Variants in POU2F2 observed in about 807,000 individuals in gnomAD.
POU2F2 encodes POU domain, class 2, transcription factor 2.
POU2F2 carries 14 observed loss-of-function variants against 63.5 expected under a neutral mutation model. The ratio of observed to expected loss-of-function variants is 0.22; its 90% confidence interval spans 0.15 to 0.34. The LOEUF is 0.34. Among genes scored for constraint, POU2F2 ranks in the 10% least tolerant of loss-of-function variants. The probability of loss-of-function intolerance (pLI) is 1.00; values close to 1 mark genes in which losing one functional copy is unlikely to be tolerated. For synonymous variants in POU2F2, 306 were observed against 348.6 expected (o/e 0.88, Z 1.36); for missense variants, 607 against 815.2 (o/e 0.74, Z 3.11).
chr19:42,178,657 G>C (rs1209568643), upstream of POU2F2, among the ~76,000 whole-genome samples: 1 of 152,144 alleles, frequency 6.6e-6, no homozygotes, highest in Non-Finnish European at 1.5e-5. Context: ...CTGAGACAGA[G>C]AAAAAGGCAC....
intron 5 of POU2F2, among the ~76,000 whole-genome samples, chr19:42,106,164 C>T (rs926557225): frequency 2.0e-4 from 31 of 151,640 alleles, no homozygotes; most frequent in Non-Finnish European, 3.8e-4. Flanking sequence ...TACAGTGGCT[C>T]AGTCTTGCTT....
Position 42,095,300 on chromosome 19 carries a change from A to G in POU2F2, c.1183T>C (p.Tyr395His). 1 of 1,613,346 alleles carries G rather than the reference A, an allele frequency of 6.2e-7. No individual in the cohort carries two copies. The highest frequency in any genetic ancestry group is 8.5e-7 in the Non-Finnish European group (1 of 1,179,894). The change falls in exon 11 of 15, where the codon TAC (tyrosine) becomes CAC (histidine). Residue 395 changes from tyrosine (Y) to histidine (H), a missense_variant. Physicochemically the swap from Tyr to His is moderately conservative, Grantham distance 83. Around this residue, in one of 7 missense-constraint regions of POU2F2, gnomAD observed 270 missense variants for 307.5 expected, o/e 0.88. Coordinates refer to ENST00000692977, the MANE Select transcript of POU2F2 (RefSeq NM_001394376.1). This position sits in a 1 kb window ranked among gnomAD's most constrained non-coding sequence, Gnocchi z 7.1. Reference protein sequence around the residue: ...MLPSPGKPASYSPHMVTPQGG... With the variant: ...MLPSPGKPASHSPHMVTPQGG... The stretch of plus-strand genomic sequence containing the variant: ...GCTCTTGGTACCATATGGGGGCTGT[A>G]GCTGGCCGGCTTCCCTGGGCTGGGC...
At chr19:42,097,922 C>A (rs1468153007) in intron 7 of POU2F2, among the ~76,000 whole-genome samples, 1 of 152,158 alleles carries the variant, frequency 6.6e-6, no homozygotes, top group Non-Finnish European at 1.5e-5. Context: ...GTACATTGTA[C>A]CCATTAAGTA....
At chr19:42,097,891 T>C (rs2076982058) in intron 7 of POU2F2, among the ~76,000 whole-genome samples, 1 of 152,232 alleles carries the variant, frequency 6.6e-6, no homozygotes. Context: ...AGGCTTTTAG[T>C]GTATCCATCA....
At chr19:42,106,821 A>AAGGAGG (rs1174329371) in intron 5 of POU2F2, among the ~76,000 whole-genome samples, 1 of 147,196 alleles carries the variant, frequency 6.8e-6, no homozygotes. Context: ...GGAGGAGGAG[A>AAGGAGG]AGGAGGAGGA....
At chr19:42,099,450 T>TC in intron 7 of POU2F2, 77 bp downstream of exon 7, 4 of 1,303,184 alleles carry the variant, frequency 3.1e-6, no homozygotes, top group Non-Finnish European at 4.4e-6. Context: ...CTCTCACTCA[T>TC]CCCCCACCCC....
At chr19:42,099,675 T>C in intron 6 of POU2F2, 41 bp downstream of exon 6, 2 of 1,601,156 alleles carry the variant, frequency 1.2e-6, no homozygotes, top group Non-Finnish European at 1.7e-6. Context: ...GAGGAAGTTC[T>C]GTGGAGGCGT....
rs560315696 is a variant in POU2F2 at position 42,150,238 on chromosome 19, T to A, written c.-9+10094A>T. Reference sequence around the variant, plus strand: ...AGACCACCCATCCCATGGCCACCTTTCTGCTCCTCTGCAGGTTTGGGGTTA... The same window carrying A: ...AGACCACCCATCCCATGGCCACCTTACTGCTCCTCTGCAGGTTTGGGGTTA... On this transcript the variant is annotated intron_variant, in intron 2 of 6. Transcript: ENST00000524801. Among the ~76,000 whole-genome samples the A allele has an allele frequency of 4.6e-5, 7 of 152,096 alleles. No homozygotes were observed. The East Asian group carries it at 1.4e-3, about 29-fold the overall frequency.
chr19:42,182,636 AAG>A (rs923426065), intron 1 of POU2F2, among the ~76,000 whole-genome samples: 7 of 152,112 alleles, frequency 4.6e-5, no homozygotes, highest in African/African-American at 1.7e-4. Context: ...GGTGAAGCAA[AAG>A]AGAGAAAGGA....
intron 5 of POU2F2, among the ~76,000 whole-genome samples, chr19:42,112,571 T>C (rs1444802682): frequency 6.6e-6 from 1 of 152,160 alleles, no homozygotes; most frequent in Non-Finnish European, 1.5e-5. Context: ...GGTTTTACCA[T>C]GTTGGCCAGA....
intron 5 of POU2F2, among the ~76,000 whole-genome samples, chr19:42,107,354 C>CA (rs901797343): frequency 1.3e-5 from 2 of 151,268 alleles, no homozygotes; most frequent in African/African-American, 2.4e-5. Flanking sequence ...GACTCCGTCT[C>CA]AAAAAAAATT....
chr19:42,089,747 T>C lies in POU2F2; in HGVS notation c.*1510A>G, dbSNP rs1487553175. On this transcript the variant is annotated 3_prime_UTR_variant, in exon 15 of 15. Coordinates refer to ENST00000692977, the MANE Select transcript of POU2F2 (RefSeq NM_001394376.1). ...ATATATATATGTTTATATATATATA[T>C]AAATTTTTTTTCTAGTTTAAATTTA... The C allele has an allele frequency of 2.0e-5, 3 of 148,612 alleles. No individual in the cohort carries two copies. In the Admixed American group the frequency reaches 2.0e-4, roughly 10 times the overall value. 9.2% of individuals were successfully genotyped at this position (148,612 alleles called of 1,614,324 possible).
intron 7 of POU2F2, among the ~76,000 whole-genome samples, chr19:42,098,871 A>G (rs892797393): frequency 2.0e-5 from 3 of 152,242 alleles, no homozygotes; most frequent in Non-Finnish European, 4.4e-5. Context: ...CTCGGGGTCC[A>G]GGTGCCAAGG....
At chr19:42,183,271 A>G (rs547673533) in intron 1 of POU2F2, among the ~76,000 whole-genome samples, 60 of 152,326 alleles carry the variant, frequency 3.9e-4, no homozygotes, top group African/African-American at 1.3e-3. Flanking sequence ...GGAATGAACA[A>G]TAAATACACA....
Position 42,153,619 on chromosome 19 carries a change from G to A in POU2F2, c.-9+6713C>T, listed in dbSNP as rs2034398195. 6.6e-6 allele frequency among the ~76,000 whole-genome samples: 1 copy of A among 152,100 alleles called. No homozygotes were observed. The highest frequency in any genetic ancestry group is 2.1e-4 in the South Asian group (1 of 4,808). ...TGGTCTCTATGTGTACTGGAAGCAGGTTCTCCTCATGAGTGTCGGAGAGTC... is the reference window on the plus strand; with the variant it reads ...TGGTCTCTATGTGTACTGGAAGCAGATTCTCCTCATGAGTGTCGGAGAGTC... On this transcript the variant is annotated intron_variant, in intron 2 of 6. Coordinates refer to the POU2F2 transcript ENST00000524801. This position sits in a 1 kb window ranked among gnomAD's most constrained non-coding sequence, Gnocchi z 5.6.
At chr19:42,187,475 A>AAC (rs1438311973) in intron 1 of POU2F2, among the ~76,000 whole-genome samples, 47 of 149,718 alleles carry the variant, frequency 3.1e-4, no homozygotes, top group South Asian at 2.3e-3. Context: ...AAAAAAAAAA[A>AAC]AACAGGCCAG....
At chr19:42,161,687 T>A (rs568238818) in intron 1 of POU2F2, among the ~76,000 whole-genome samples, 2 of 147,910 alleles carry the variant, frequency 1.4e-5, no homozygotes, top group South Asian at 4.3e-4. Context: ...AAAAGGGGGG[T>A]AAAAAGGGCC....
chr19:42,151,699 A>G (rs1443296873), intron 2 of POU2F2, among the ~76,000 whole-genome samples: 1 of 151,944 alleles, frequency 6.6e-6, no homozygotes, highest in Non-Finnish European at 1.5e-5. Context: ...CTCTCCCCTC[A>G]CTTCTCTTCC....
chr19:42,126,194 C>T (rs1273922119), intron 1 of POU2F2, among the ~76,000 whole-genome samples: 1 of 152,074 alleles, frequency 6.6e-6, no homozygotes, highest in Admixed American at 6.6e-5. Flanking sequence ...CCTGTAATCC[C>T]AGCACTTTGG....
Sources: allele counts gnomAD v4.1 joint callset (sites outside exome capture counted in the v4.1 genomes callset), GRCh38; gene constraint gnomAD v4.1.1; regional missense constraint gnomAD v4.1.1; non-coding constraint Gnocchi (gnomAD v3.1); transcripts MANE v1.5; gene names NCBI Gene and HGNC (gene_info 2026-07-23, HGNC 2026-07-21).